PUS7: variants seen among roughly 807,000 people sequenced by gnomAD.
PUS7 encodes the protein pseudouridine synthase 7.
A neutral mutation model predicts 79.8 loss-of-function variants in PUS7; 48 were observed. That is an observed-to-expected ratio of 0.60 (90% CI 0.48 to 0.76). PUS7 has a LOEUF of 0.76. PUS7 is among the 30% of genes least tolerant of loss of function. PUS7 has a pLI of 0.00. For synonymous variants in PUS7, 286 were observed against 272.2 expected, an observed-to-expected ratio of 1.05 and a Z score of -0.50; for missense variants, 729 against 797.6, an observed-to-expected ratio of 0.91 and a Z score of 1.04.
At chr7:105,463,734 A>C (rs1464130007) in intron 13 of PUS7, among the ~76,000 whole-genome samples, 1 of 152,138 alleles carries the variant, frequency 6.6e-6, no homozygotes, top group East Asian at 1.9e-4. Context: ...TCATTCAGTA[A>C]CTAATATAAG....
At chr7:105,492,509 T>A (rs1824832671) in intron 6 of PUS7, among the ~76,000 whole-genome samples, 1 of 138,460 alleles carries the variant, frequency 7.2e-6, no homozygotes, top group African/African-American at 2.7e-5. Flanking sequence ...TATTTTTTTT[T>A]TTTTTTTTTT....
intron 7 of PUS7, among the ~76,000 whole-genome samples, chr7:105,483,719 C>A (rs974403352): frequency 7.9e-5 from 12 of 152,176 alleles, no homozygotes; most frequent in Non-Finnish European, 1.5e-4. Context: ...TGGTCTCGAT[C>A]TCCTGGCCTC....
intron 15 of PUS7, among the ~76,000 whole-genome samples, chr7:105,458,634 G>A (rs1055740682): frequency 3.4e-5 from 5 of 148,428 alleles, no homozygotes; most frequent in Admixed American, 2.7e-4. Context: ...GTGCAGTGGC[G>A]TGATCTTGGC....
intron 14 of PUS7, among the ~76,000 whole-genome samples, chr7:105,460,614 G>C (rs1210542179): frequency 3.3e-5 from 5 of 151,900 alleles, no homozygotes; most frequent in African/African-American, 9.7e-5. Flanking sequence ...CAGCACTTTG[G>C]GAGGCCGAGG....
intron 5 of PUS7, among the ~76,000 whole-genome samples, chr7:105,496,029 G>A (rs1464249592): frequency 1.3e-5 from 2 of 151,800 alleles, no homozygotes; most frequent in South Asian, 2.1e-4. Context: ...GCATTGTGGC[G>A]AGTGCCTGTA....
chr7:105,491,541 T>C lies in PUS7; in HGVS notation c.919A>G (p.Lys307Glu), dbSNP rs1479326192. 1 of 1,573,652 alleles carries C rather than the reference T, an allele frequency of 6.4e-7. No homozygotes were observed. The highest frequency in any genetic ancestry group is 2.2e-5 in the East Asian group (1 of 44,582). Residue 307 changes from lysine to glutamate, a missense_variant and splice_region_variant, in exon 7 of 16, where the codon AAA becomes GAA. Transcript: ENST00000469408. ...AITVQEIAVL[K>E]ITAQRLAHLN... ...TCCTGTTACGTGCTCTCTACTTACTTGAGAACAGCAATTTCTTGAACTGTT... is the reference window on the plus strand; with the variant it reads ...TCCTGTTACGTGCTCTCTACTTACTCGAGAACAGCAATTTCTTGAACTGTT...
chr7:105,521,199 A>AT (rs1006135088), intron 1 of PUS7, among the ~76,000 whole-genome samples: 2 of 151,458 alleles, frequency 1.3e-5, no homozygotes, highest in African/African-American at 4.8e-5. Context: ...CCAATGGGGC[A>AT]TAGTCATTTC....
intron 1 of PUS7, among the ~76,000 whole-genome samples, chr7:105,519,010 C>T (rs1826001677): frequency 6.6e-6 from 1 of 152,130 alleles, no homozygotes; most frequent in Non-Finnish European, 1.5e-5. Flanking sequence ...CCTCATGATT[C>T]GCCCGCCTCG....
intron 9 of PUS7, among the ~76,000 whole-genome samples, chr7:105,473,251 T>C (rs1201639420): frequency 6.6e-6 from 1 of 152,098 alleles, no homozygotes; most frequent in Admixed American, 6.6e-5. Flanking sequence ...ATATGCTTTT[T>C]AAAAAAATTT....
intron 1 of PUS7, among the ~76,000 whole-genome samples, chr7:105,511,101 G>A (rs1586177938): frequency 1.3e-5 from 2 of 151,624 alleles, no homozygotes; most frequent in African/African-American, 4.8e-5. Context: ...GCACGATCTT[G>A]GCTTACTGCA....
chr7:105,503,577 CACAAA>C (rs1825339840), intron 4 of PUS7, among the ~76,000 whole-genome samples: 3 of 152,074 alleles, frequency 2.0e-5, no homozygotes, highest in Admixed American at 6.6e-5. Flanking sequence ...AAAAAAAATT[CACAAA>C]ACAAGATTCA....
intron 5 of PUS7, among the ~76,000 whole-genome samples, chr7:105,497,795 G>C (rs1454128517): frequency 6.6e-6 from 1 of 152,102 alleles, no homozygotes; most frequent in Non-Finnish European, 1.5e-5. Context: ...AAAAAAAGGA[G>C]GAAGGATAAA....
intron 9 of PUS7, among the ~76,000 whole-genome samples, chr7:105,477,244 AT>A (rs1824150203): frequency 1.3e-5 from 2 of 151,560 alleles, no homozygotes; most frequent in African/African-American, 4.8e-5. Flanking sequence ...TTTTGAGTTT[AT>A]TTTATTTTAT....
chr7:105,468,372 A>C lies in PUS7; in HGVS notation c.1490T>G (p.Leu497Arg). Residue 497 changes from leucine (L) to arginine (R), a missense_variant, in exon 12 of 16, where the codon CTA becomes CGA. Coordinates refer to ENST00000469408, the MANE Select transcript of PUS7 (RefSeq NM_019042.5). ...MVSKRIEDYGLKPVPGDLVLK... is the reference protein window; with the variant it reads ...MVSKRIEDYGRKPVPGDLVLK... ...AACGAGGTCCCCTGGAACAGGTTTT[A>C]GTCCATAGTCTTCTATCCTCTTGCT... 6.2e-7 allele frequency: 1 copy of C among 1,613,822 alleles called. No individual in the cohort carries two copies. The highest frequency in any genetic ancestry group is 1.3e-5 in the African/African-American group (1 of 75,044).
chr7:105,505,875 T>G, intron 4 of PUS7, 80 bp downstream of exon 4: 1 of 1,137,818 alleles, frequency 8.8e-7, no homozygotes, highest in South Asian at 1.4e-5. Flanking sequence ...CCATTGTAAT[T>G]TTTTCCATAA....
chr7:105,482,182 T>C, intron 8 of PUS7, 130 bp downstream of exon 8: 2 of 1,097,162 alleles, frequency 1.8e-6, no homozygotes, highest in East Asian at 4.8e-5. Context: ...GGCCCTGCTC[T>C]GCCCTCCCTT....
chr7:105,512,593 G>C (rs1251883171), intron 1 of PUS7, among the ~76,000 whole-genome samples: 1 of 152,234 alleles, frequency 6.6e-6, no homozygotes, highest in Non-Finnish European at 1.5e-5. Flanking sequence ...AGCTCACAGA[G>C]TGCTGGAAGA....
chr7:105,460,853 C>CA (rs55923593), intron 14 of PUS7, among the ~76,000 whole-genome samples: 3,219 of 83,562 alleles, frequency 0.039, 186 homozygotes, highest in African/African-American at 0.097. Flanking sequence ...GACTCCGTCT[C>CA]AAAAAAAAAA....
chr7:105,482,808 G>A (rs1398956508), intron 7 of PUS7, among the ~76,000 whole-genome samples: 1 of 151,966 alleles, frequency 6.6e-6, no homozygotes, highest in Non-Finnish European at 1.5e-5. Context: ...AGAAAGAATG[G>A]TATCAAGCAT....
Sources: allele counts gnomAD v4.1 joint callset (sites outside exome capture counted in the v4.1 genomes callset), GRCh38; gene constraint gnomAD v4.1.1; transcripts MANE v1.5; gene names NCBI Gene and HGNC (gene_info 2026-07-23, HGNC 2026-07-21).